The following TEX11 variants were observed in gnomAD, a reference collection of about 807,000 sequenced individuals.
TEX11 encodes testis expressed 11, also known as testis-expressed protein 11.
A neutral mutation model predicts 84.4 loss-of-function variants in TEX11; 7 were observed. The observed-to-expected ratio is 0.08, with a 90% CI of 0.05 to 0.16. TEX11 has a LOEUF of 0.16. Ranked by LOEUF, TEX11 falls within the 10% of genes least tolerant of loss-of-function variation. The pLI is 1.00. For synonymous variants in TEX11, 264 were observed against 222.8 expected (o/e 1.18, Z -1.64); for missense variants, 551 against 660.5 (o/e 0.83, Z 1.82).
At chrX:70,571,869 G>A (rs950513606) in intron 25 of TEX11, among the ~76,000 whole-genome samples, 1 of 111,661 alleles carries the variant, frequency 9.0e-6, no homozygotes, top group African/African-American at 3.3e-5. Context: ...GAAGTCTTGT[G>A]AAAATAAGTA....
At position 70,749,455 on chromosome X, in the gene TEX11, C is replaced by T. The variant is rs367587823; in HGVS notation, c.693-5236G>A. ...TTGCCCTGGCCAGAACTTCCAACAC[C>T]ATGTTGAATAGGAGTGGTGAGAGAG... is the stretch of plus-strand genomic sequence containing the variant. On this transcript the variant is annotated intron_variant, in intron 9 of 29. Coordinates refer to ENST00000374333, the MANE Select transcript of TEX11 (RefSeq NM_031276.3). Among the ~76,000 whole-genome samples the T allele has an allele frequency of 4.1e-3, 453 of 109,982 alleles. 4 individuals carry two copies. The highest frequency in any genetic ancestry group is 0.014 in the African/African-American group (424 of 30,193).
At chrX:70,623,092 T>A (rs1024253226) in intron 20 of TEX11, among the ~76,000 whole-genome samples, 2 of 112,021 alleles carry the variant, frequency 1.8e-5, no homozygotes, top group African/African-American at 3.2e-5. Flanking sequence ...AAATTTGCAT[T>A]ATGAAAATGA....
downstream of TEX11, among the ~76,000 whole-genome samples, chrX:70,526,609 G>A (rs1400646380): frequency 9.1e-6 from 1 of 110,178 alleles, no homozygotes; most frequent in South Asian, 3.9e-4. Context: ...GGAGCTATCA[G>A]TATGAACTCA....
intron 25 of TEX11, among the ~76,000 whole-genome samples, chrX:70,568,484 C>A (rs1280873485): frequency 2.7e-5 from 3 of 109,736 alleles, no homozygotes; most frequent in Non-Finnish European, 5.7e-5. Flanking sequence ...TTAGTTGATG[C>A]AGTTTCTTCC....
Position 70,853,062 on chromosome X carries a change from A to T in TEX11, c.497T>A (p.Phe166Tyr). Reference protein sequence around the residue: ...MEKITVESDHFRVLSYQAESA... With the variant: ...MEKITVESDHYRVLSYQAESA... ...CTCTGCTTGGTAAGAAAGCACTCTG[A>T]AGTGGTCACTCTCAACAGTAATCTT... The change falls in exon 7 of 30, where the codon TTC (phenylalanine) becomes TAC (tyrosine). Residue 166 changes from phenylalanine to tyrosine, a missense_variant. Physicochemically the swap from Phe to Tyr is conservative, Grantham distance 22. Transcript: ENST00000374333. 8.3e-7 allele frequency: 1 copy of T among 1,209,487 alleles called. No homozygotes were observed. Among genetic ancestry groups the T allele is most frequent in the Non-Finnish European group, 1.1e-6 (1 of 894,297 alleles).
chrX:70,789,262 T>C (rs369705418), intron 9 of TEX11, among the ~76,000 whole-genome samples: 90 of 108,479 alleles, frequency 8.3e-4, no homozygotes, highest in African/African-American at 2.8e-3. Flanking sequence ...TATGAAAAAA[T>C]GCTCAAAATC....
intron 24 of TEX11, among the ~76,000 whole-genome samples, chrX:70,598,510 T>A (rs2089040914): frequency 8.9e-6 from 1 of 111,944 alleles, no homozygotes; most frequent in African/African-American, 3.2e-5. Flanking sequence ...CAATCCTAGG[T>A]ATATTTCATA....
At chrX:70,776,549 G>A (rs747918152) in intron 9 of TEX11, among the ~76,000 whole-genome samples, 2 of 106,283 alleles carry the variant, frequency 1.9e-5, no homozygotes, top group Admixed American at 1.0e-4. Flanking sequence ...GGCAACCAGC[G>A]TGAGACCCTG....
intron 15 of TEX11, among the ~76,000 whole-genome samples, chrX:70,675,167 A>G (rs899217432): frequency 2.7e-5 from 3 of 111,678 alleles, no homozygotes; most frequent in Non-Finnish European, 5.6e-5. Context: ...GCAATAAACT[A>G]TCTTTTAAAG....
intron 10 of TEX11, among the ~76,000 whole-genome samples, chrX:70,742,086 C>G (rs2090737125): frequency 1.8e-5 from 2 of 111,062 alleles, no homozygotes; most frequent in South Asian, 7.4e-4. Flanking sequence ...AGTTAAGAAA[C>G]AGAACATTAA....
chrX:70,884,999 C>T (rs376974666), intron 2 of TEX11, among the ~76,000 whole-genome samples: 2 of 111,133 alleles, frequency 1.8e-5, no homozygotes, highest in East Asian at 2.8e-4. Flanking sequence ...CAGATGGGTC[C>T]GGCAAACTCT....
At chrX:70,904,932 A>C (rs943569791) in intron 2 of TEX11, among the ~76,000 whole-genome samples, 1 of 112,578 alleles carries the variant, frequency 8.9e-6, no homozygotes, top group Admixed American at 9.4e-5. Context: ...TGACTACTAG[A>C]AAATATAAAA....
intron 15 of TEX11, 79 bp downstream of exon 15, chrX:70,678,725 C>T: frequency 1.3e-6 from 1 of 766,987 alleles, no homozygotes; most frequent in Non-Finnish European, 1.9e-6. Flanking sequence ...GTATTTGATG[C>T]TCTTTTATTT....
intron 11 of TEX11, among the ~76,000 whole-genome samples, chrX:70,732,915 C>T (rs2147735590): frequency 8.9e-6 from 1 of 112,095 alleles, no homozygotes; most frequent in Non-Finnish European, 1.9e-5. Context: ...TACAAGGCTA[C>T]AGTAACCAAA....
chrX:70,857,569 G>A (rs1420991264), intron 5 of TEX11: 8 of 262,929 alleles, frequency 3.0e-5, no homozygotes, highest in Non-Finnish European at 5.7e-5. Flanking sequence ...AAAGATTCAA[G>A]ATATGTCATA....
At chrX:70,746,309 G>A (rs1180915919) in intron 9 of TEX11, among the ~76,000 whole-genome samples, 3 of 111,173 alleles carry the variant, frequency 2.7e-5, no homozygotes, top group Admixed American at 9.6e-5. Context: ...GGGCAAGTAC[G>A]ATGGAGAGGA....
chrX:70,735,951 A>G (rs2090692445), intron 11 of TEX11, among the ~76,000 whole-genome samples: 1 of 111,411 alleles, frequency 9.0e-6, no homozygotes, highest in Non-Finnish European at 1.9e-5. Flanking sequence ...GCCCATTTTC[A>G]ATTGGGTTGT....
At position 70,637,968 on chromosome X, in the gene TEX11, T is replaced by TA. The variant is rs201547593; in HGVS notation, c.1484-8234dup. ...AACATTAAAAAAAGATCTTCCTCAA[T>TA]AAAAAAAAAAGCTTAGGGACTTATG... is the stretch of plus-strand genomic sequence containing the variant. On this transcript the variant is annotated intron_variant, in intron 17 of 29. Coordinates refer to ENST00000374333, the MANE Select transcript of TEX11 (RefSeq NM_031276.3). Among the ~76,000 whole-genome samples, 104 of 97,116 alleles carry TA rather than the reference T, an allele frequency of 1.1e-3. 1 individual carries two copies. The highest frequency in any genetic ancestry group is 1.7e-3 in the Non-Finnish European group (81 of 47,163). 84.3% of individuals were successfully genotyped at this position (97,116 alleles called of 115,157 possible). A position where few individuals can be genotyped will look rare whatever the true frequency, so the allele number is the denominator to read the frequency against.
intron 9 of TEX11, among the ~76,000 whole-genome samples, chrX:70,769,351 G>C (rs185138566): frequency 3.6e-4 from 40 of 110,912 alleles, no homozygotes; most frequent in African/African-American, 1.2e-3. Flanking sequence ...AAGAGAGAAG[G>C]CTCAAATTAC....
Sources: allele counts gnomAD v4.1 joint callset (sites outside exome capture counted in the v4.1 genomes callset), GRCh38; gene constraint gnomAD v4.1.1; transcripts MANE v1.5; gene names NCBI Gene and HGNC (gene_info 2026-07-23, HGNC 2026-07-21).